DPP10: variants seen among roughly 807,000 people sequenced by gnomAD.
The protein encoded by DPP10 is dipeptidyl peptidase like 10.
In DPP10, 33 loss-of-function variants were observed where a neutral mutation model predicts 120.9. That is an observed-to-expected ratio of 0.27 (90% confidence interval 0.21 to 0.37). The LOEUF (loss-of-function observed/expected upper bound fraction) is 0.37. DPP10 is among the 10% of genes least tolerant of loss of function. The pLI is 1.00. For missense variants in DPP10, 816 were observed against 942.8 expected (o/e 0.87, Z 1.76); for synonymous variants, 337 against 326.1 (o/e 1.03, Z -0.36).
At chr2:115,421,869 CAAAAAAAAAA>C (rs10610510) in intron 3 of DPP10, among the ~76,000 whole-genome samples, 3 of 46,884 alleles carry the variant, frequency 6.4e-5, no homozygotes, top group African/African-American at 2.9e-4. Flanking sequence ...GACTCCATCT[CAAAAAAAAAA>C]AAAAAAAAAA....
intron 8 of DPP10, among the ~76,000 whole-genome samples, chr2:115,730,648 A>G (rs2149652761): frequency 6.6e-6 from 1 of 152,330 alleles, no homozygotes. Flanking sequence ...AAGGAGAGAA[A>G]TTAGAGACCG....
rs1318769085 is a variant in DPP10, at chr2:115,007,482, C to A, written c.61-301757C>A. ...CACAGCCAATATCATACTGAATGGG[C>A]AAAAACTGGAAGCATTCCCTTTGAA... On this transcript the variant is annotated intron_variant, in intron 1 of 25. Coordinates refer to ENST00000410059, the MANE Select transcript of DPP10 (RefSeq NM_020868.6). Among the ~76,000 whole-genome samples, 4 of 151,946 alleles carry A rather than the reference C, an allele frequency of 2.6e-5. No individual in the cohort carries two copies. The East Asian group carries it at 5.8e-4, about 22-fold the overall frequency.
intron 1 of DPP10, among the ~76,000 whole-genome samples, chr2:115,177,756 T>G (rs913712265): frequency 1.0e-5 from 1 of 95,682 alleles, no homozygotes; most frequent in Admixed American, 1.0e-4. Context: ...TTTGTTTTGT[T>G]TTTGTTTTTG....
At chr2:114,799,359 G>A (rs1482778097) in intron 1 of DPP10, among the ~76,000 whole-genome samples, 1 of 152,160 alleles carries the variant, frequency 6.6e-6, no homozygotes, top group Non-Finnish European at 1.5e-5. Flanking sequence ...TAGTAGGGCT[G>A]CCTTCTCATT....
At chr2:114,906,946 A>G (rs554625933) in intron 1 of DPP10, among the ~76,000 whole-genome samples, 1 of 152,268 alleles carries the variant, frequency 6.6e-6, no homozygotes, top group Admixed American at 6.5e-5. Flanking sequence ...GAATTTACTA[A>G]TGAAGCCATT....
At chr2:115,090,219 G>T (rs1709128920) in intron 1 of DPP10, among the ~76,000 whole-genome samples, 2 of 152,102 alleles carry the variant, frequency 1.3e-5, no homozygotes. Context: ...GTGCAAAGAA[G>T]AATTCTACTC....
At chr2:115,608,323 GA>G (rs2083848079) in intron 5 of DPP10, among the ~76,000 whole-genome samples, 1 of 152,144 alleles carries the variant, frequency 6.6e-6, no homozygotes, top group African/African-American at 2.4e-5. Flanking sequence ...CTGGGAAGCA[GA>G]AGCTGTAGTG....
rs1452378643 is a variant in DPP10 at position 114,539,896 on chromosome 2, AT to A, written c.60+97060del. 2.0e-5 allele frequency among the ~76,000 whole-genome samples: 3 copies of A among 152,286 alleles called. No individual in the cohort carries two copies. The East Asian group carries it at 5.8e-4, about 29-fold the overall frequency. ...GTCACTTAGAACAGCAACCATTTATATTCTTTTATATTCTTAGCAATATTAT... is the reference window on the plus strand; with the variant it reads ...GTCACTTAGAACAGCAACCATTTATATCTTTTATATTCTTAGCAATATTAT... On this transcript the variant is annotated intron_variant, in intron 1 of 25. Coordinates refer to ENST00000410059, the MANE Select transcript of DPP10 (RefSeq NM_020868.6).
chr2:115,246,519 G>A (rs2105622149), intron 1 of DPP10, among the ~76,000 whole-genome samples: 2 of 152,196 alleles, frequency 1.3e-5, no homozygotes, highest in East Asian at 3.9e-4. Flanking sequence ...CAAATGTATG[G>A]GCCGTAAGTG....
intron 3 of DPP10, among the ~76,000 whole-genome samples, chr2:115,358,906 A>G (rs886467343): frequency 6.6e-6 from 1 of 152,150 alleles, no homozygotes; most frequent in African/African-American, 2.4e-5. Flanking sequence ...CTCACTCACT[A>G]TCACAAGAAT....
chr2:115,499,705 G>A lies in DPP10; in HGVS notation c.366+101G>A, dbSNP rs1174358074. ...ATTCTTCAGCTCCAGCATTTGTAAA[G>A]CATTTCAGGTGAAAAGTTGGGGCTG... On this transcript the variant is annotated intron_variant, in intron 4 of 25. Coordinates refer to ENST00000410059, the MANE Select transcript of DPP10 (RefSeq NM_020868.6). 14 of 749,400 alleles carry A rather than the reference G, an allele frequency of 1.9e-5. 1 individual carries two copies. In the South Asian group the frequency reaches 3.2e-4, roughly 17 times the overall value. 46.4% of individuals were successfully genotyped at this position (749,400 alleles called of 1,614,324 possible).
intron 3 of DPP10, among the ~76,000 whole-genome samples, chr2:115,479,170 A>C (rs1369024462): frequency 6.6e-6 from 1 of 152,180 alleles, no homozygotes; most frequent in Non-Finnish European, 1.5e-5. Context: ...CCATTGATGG[A>C]TGAGTTGGAT....
intron 1 of DPP10, among the ~76,000 whole-genome samples, chr2:114,849,512 A>G (rs1558806490): frequency 1.3e-5 from 2 of 151,678 alleles, no homozygotes; most frequent in Non-Finnish European, 2.9e-5. Flanking sequence ...AATTTTTGTA[A>G]TTTTTAGTAG....
At position 115,699,666 on chromosome 2, in the gene DPP10, G is replaced by T. The variant is rs557762145; in HGVS notation, c.576+9745G>T. On this transcript the variant is annotated intron_variant, in intron 7 of 25. Coordinates refer to ENST00000410059, the MANE Select transcript of DPP10 (RefSeq NM_020868.6). ...AACTTTTCCAAAAAGTCAAAGAGGA[G>T]AAAGCACTTCTTAACCCATTATCTG... 5.5e-4 allele frequency among the ~76,000 whole-genome samples: 83 copies of T among 152,240 alleles called. 1 individual carries two copies. Among genetic ancestry groups the T allele is most frequent in the African/African-American group, 1.9e-3 (80 of 41,562 alleles).
intron 5 of DPP10, among the ~76,000 whole-genome samples, chr2:115,646,608 A>G (rs2087281399): frequency 6.6e-6 from 1 of 152,134 alleles, no homozygotes; most frequent in Non-Finnish European, 1.5e-5. Flanking sequence ...AGGGATTCCT[A>G]CGTAGATGGC....
chr2:115,671,971 TTC>T (rs892056278), intron 5 of DPP10, among the ~76,000 whole-genome samples: 3 of 152,202 alleles, frequency 2.0e-5, no homozygotes, highest in African/African-American at 7.2e-5. Context: ...TATGTGCATA[TTC>T]TGTTATTCAT....
chr2:115,130,145 A>G (rs1375051280), intron 1 of DPP10, among the ~76,000 whole-genome samples: 3 of 152,136 alleles, frequency 2.0e-5, no homozygotes, highest in Admixed American at 6.6e-5. Context: ...TGCCTCCCCT[A>G]TAGTTAGCTA....
At chr2:114,764,384 C>G (rs1680539005) in intron 1 of DPP10, among the ~76,000 whole-genome samples, 1 of 146,730 alleles carries the variant, frequency 6.8e-6, no homozygotes, top group Non-Finnish European at 1.5e-5. Context: ...CTCAAAGGTA[C>G]TGATATTAAG....
At position 115,042,383 on chromosome 2, in the gene DPP10, C is replaced by T. The variant is rs981640886; in HGVS notation, c.61-266856C>T. ...ACGGGTTCAAGTGAGTTTCGTGCCA[C>T]AGCCTCCCAAGTAGTTGGGGTTTCA... On this transcript the variant is annotated intron_variant, in intron 1 of 25. Transcript: ENST00000410059. Among the ~76,000 whole-genome samples the T allele has an allele frequency of 3.9e-4, 59 of 152,142 alleles. 1 individual carries two copies. Among genetic ancestry groups the T allele is most frequent in the African/African-American group, 1.4e-3 (57 of 41,424 alleles).
Sources: allele counts gnomAD v4.1 joint callset (sites outside exome capture counted in the v4.1 genomes callset), GRCh38; gene constraint gnomAD v4.1.1; transcripts MANE v1.5; gene names NCBI Gene and HGNC (gene_info 2026-07-23, HGNC 2026-07-21).